FBP2: variants seen among roughly 807,000 people sequenced by gnomAD.
FBP2 encodes fructose-1,6-bisphosphatase isozyme 2.
In FBP2, 27 loss-of-function variants were observed where a neutral mutation model predicts 31.6. That is an observed-to-expected ratio of 0.85 (90% CI 0.63 to 1.18). The LOEUF (loss-of-function observed/expected upper bound fraction) is 1.18, where lower values mean the gene tolerates loss of function less well. Ranked by LOEUF, FBP2 falls within the 50% of genes most tolerant of loss-of-function variation. The pLI, the probability that FBP2 is intolerant of heterozygous loss-of-function variation, is 0.00. For synonymous variants in FBP2, 168 were observed against 179.8 expected (o/e 0.93, Z 0.53); for missense variants, 421 against 436.1 (o/e 0.97, Z 0.31).
rs148966344 is a variant in FBP2, at chr9:94,567,835, A to G, written c.568-428T>C. ...TATGAGGGATGCATTTTAACCATTA[A>G]TTTGTGGTACAGGCTGGGCGCAGTG... is the stretch of plus-strand genomic sequence containing the variant. On this transcript the variant is annotated intron_variant, in intron 4 of 6. Coordinates refer to ENST00000375337, the MANE Select transcript of FBP2 (RefSeq NM_003837.4). 2.4e-3 allele frequency: 400 copies of G among 163,500 alleles called. 3 individuals carry two copies. The highest frequency in any genetic ancestry group is 9.0e-3 in the African/African-American group (376 of 41,886). 10.1% of individuals were successfully genotyped at this position (163,500 alleles called of 1,614,324 possible).
chr9:94,578,684 C>T (rs1261079114), intron 3 of FBP2, among the ~76,000 whole-genome samples: 1 of 152,060 alleles, frequency 6.6e-6, no homozygotes, highest in African/African-American at 2.4e-5. Context: ...TACTAAGTTT[C>T]CACTAAAATT....
At chr9:94,567,446 G>C (rs774658019) in intron 4 of FBP2, 39 bp from the exon 5 acceptor site, 7 of 1,572,088 alleles carry the variant, frequency 4.5e-6, no homozygotes, top group Admixed American at 1.7e-5. Flanking sequence ...GAAGAGAGAA[G>C]CCAGGAAACA....
chr9:94,568,615 C>T (rs897968511), intron 4 of FBP2: 2 of 152,108 alleles, frequency 1.3e-5, no homozygotes, highest in South Asian at 2.1e-4. Context: ...GAGGTATTCC[C>T]GGAATATAAA....
chr9:94,559,914 G>A (rs1827069622), intron 6 of FBP2, among the ~76,000 whole-genome samples: 1 of 152,142 alleles, frequency 6.6e-6, no homozygotes, highest in Non-Finnish European at 1.5e-5. Context: ...GATCGCTTGA[G>A]TCCAGGCATT....
Position 94,559,057 on chromosome 9 carries a change from G to A in FBP2, c.901C>T (p.Gln301Ter), listed in dbSNP as rs1301155021. 1 of 1,614,094 alleles carries A rather than the reference G, an allele frequency of 6.2e-7. No individual in the cohort carries two copies. The highest frequency in any genetic ancestry group is 8.5e-7 in the Non-Finnish European group (1 of 1,179,994). ...QAGGLATTGT[Q>*]PVLDVKPEAI... is the part of the protein sequence containing the mutation. The stretch of plus-strand genomic sequence containing the variant: ...TCGGGCTTCACGTCCAGTACAGGCT[G>A]GGTCCCCGTGGTCGCCAAGCCTCCT... The change falls in exon 7 of 7, where the codon CAG becomes TAG. Residue 301 changes from glutamine (Q) to a stop codon, truncating the protein, a stop_gained. Transcript: ENST00000375337. LOFTEE classifies it high-confidence loss of function.
At chr9:94,573,521 T>A (rs115284150) in intron 3 of FBP2, among the ~76,000 whole-genome samples, 73,728 of 151,830 alleles carry the variant, frequency 0.49, 18,505 homozygotes, top group African/African-American at 0.6. Flanking sequence ...AGCAAGTTTC[T>A]TTTTTAAATA....
chr9:94,587,246 C>G, intron 2 of FBP2, 61 bp downstream of exon 2: 1 of 1,447,974 alleles, frequency 6.9e-7, no homozygotes. Flanking sequence ...AGTAAGGCAG[C>G]TTATTTCCGG....
chr9:94,585,021 C>T (rs1040327938), intron 2 of FBP2, among the ~76,000 whole-genome samples: 4 of 152,132 alleles, frequency 2.6e-5, no homozygotes, highest in East Asian at 1.9e-4. Context: ...TGCAAGGTCA[C>T]GAGAGACCCT....
Position 94,558,827 on chromosome 9 carries a change from A to T in FBP2, c.*111T>A. 1 of 991,962 alleles carries T rather than the reference A, an allele frequency of 1.0e-6. No homozygotes were observed. Among genetic ancestry groups the T allele is most frequent in the South Asian group, 1.4e-5 (1 of 71,058 alleles). 61.4% of individuals were successfully genotyped at this position (991,962 alleles called of 1,614,324 possible). The stretch of plus-strand genomic sequence containing the variant: ...TGTTGTTGCTCTTCTGTATGTGATT[A>T]AGTGGATTTACCTTTTGTATACTCA... On this transcript the variant is annotated 3_prime_UTR_variant, in exon 7 of 7. Transcript: ENST00000375337.
intron 1 of FBP2, among the ~76,000 whole-genome samples, chr9:94,589,420 T>G (rs1457914446): frequency 6.6e-6 from 1 of 152,096 alleles, no homozygotes; most frequent in Non-Finnish European, 1.5e-5. Context: ...CCATCATCCC[T>G]CCTCAGTGTT....
chr9:94,575,080 T>C lies in FBP2; in HGVS notation c.427-3478A>G, dbSNP rs1714283137. Among the ~76,000 whole-genome samples the C allele has an allele frequency of 2.6e-5, 4 of 152,302 alleles. No individual in the cohort carries two copies. In the South Asian group the frequency reaches 8.3e-4, roughly 32 times the overall value. ...GTGGTAGAAATTATGAAATGTGGAC[T>C]TTTTTCCTTTTTGTTGAGGTATAAA... is the stretch of plus-strand genomic sequence containing the variant. On this transcript the variant is annotated intron_variant, in intron 3 of 6. Coordinates refer to ENST00000375337, the MANE Select transcript of FBP2 (RefSeq NM_003837.4).
chr9:94,574,429 A>G (rs612498), intron 3 of FBP2, among the ~76,000 whole-genome samples: 73,885 of 151,824 alleles, frequency 0.49, 18,603 homozygotes, highest in African/African-American at 0.61. Flanking sequence ...AACCTTTTAT[A>G]TGTTTATTTT....
chr9:94,590,472 G>T (rs564782842), intron 1 of FBP2, among the ~76,000 whole-genome samples: 1 of 149,540 alleles, frequency 6.7e-6, no homozygotes, highest in African/African-American at 2.5e-5. Flanking sequence ...TGGTGTGTCC[G>T]GAATTGGTAG....
intron 3 of FBP2, among the ~76,000 whole-genome samples, chr9:94,578,452 T>C (rs1827339278): frequency 6.6e-6 from 1 of 152,182 alleles, no homozygotes. Context: ...AAATGAAATA[T>C]GTTTTTTAAG....
chr9:94,562,034 G>T (rs1198239495), intron 6 of FBP2, among the ~76,000 whole-genome samples: 1 of 151,920 alleles, frequency 6.6e-6, no homozygotes, highest in East Asian at 1.9e-4. Context: ...TGTCTTCGCC[G>T]GGCGCTGTGA....
chr9:94,574,941 C>T (rs75960338), intron 3 of FBP2, among the ~76,000 whole-genome samples: 1,824 of 152,174 alleles, frequency 0.012, 52 homozygotes, highest in African/African-American at 0.042. Flanking sequence ...TGATTTAGTG[C>T]GTCTTTTTAT....
chr9:94,564,948 C>T (rs892889690), intron 5 of FBP2, among the ~76,000 whole-genome samples: 5 of 151,888 alleles, frequency 3.3e-5, no homozygotes, highest in African/African-American at 4.8e-5. Context: ...TGAATGTTCC[C>T]AACACAAAGA....
chr9:94,567,408 C>A lies in FBP2; in HGVS notation c.568-1G>T. On this transcript the variant is annotated splice_acceptor_variant, in intron 4 of 6. Transcript: ENST00000375337. LOFTEE classifies it high-confidence loss of function. ...CCACCAGGACAAATTCACCAAGAGC[C>A]TAGCAACATGAAGAGAGATGCCAGG... is the stretch of plus-strand genomic sequence containing the variant. The A allele has an allele frequency of 3.1e-6, 5 of 1,613,900 alleles. No individual in the cohort carries two copies.
In FBP2 at chr9:94,563,324, T is replaced by G; in HGVS notation, c.825+18A>C. ...CCTCCCTGACCGGATGCACAGCCAG[T>G]GGACAAGGGAGAATTACCTTGCCCT... is the stretch of plus-strand genomic sequence containing the variant. On this transcript the variant is annotated intron_variant, in intron 6 of 6. Coordinates refer to ENST00000375337, the MANE Select transcript of FBP2 (RefSeq NM_003837.4). 6.2e-7 allele frequency: 1 copy of G among 1,612,388 alleles called. No homozygotes were observed. The highest frequency in any genetic ancestry group is 8.5e-7 in the Non-Finnish European group (1 of 1,179,020).
Sources: gnomAD v4.1 joint callset for allele counts (sites outside exome capture counted in the v4.1 genomes callset) on GRCh38, gnomAD v4.1.1 for gene constraint, MANE v1.5 for transcripts, NCBI Gene and HGNC (gene_info 2026-07-23, HGNC 2026-07-21) for gene names.